KCNC4: variants seen among roughly 807,000 people sequenced by gnomAD.
KCNC4 encodes the protein potassium voltage-gated channel subfamily C member 4.
KCNC4 carries 23 observed loss-of-function variants against 42.8 expected under a neutral mutation model. The ratio of observed to expected loss-of-function variants is 0.54; its 90% CI spans 0.39 to 0.76. KCNC4 has a LOEUF of 0.76. Ranked by LOEUF, KCNC4 falls within the 30% of genes least tolerant of loss-of-function variation. The pLI is 0.00. For synonymous variants in KCNC4, 422 were observed against 393.5 expected (o/e 1.07, Z -0.86); for missense variants, 751 against 898.2 (o/e 0.84, Z 2.10).
chr1:110,239,602 G>A (rs1658985187), exon 4 of KCNC4: 1 of 152,200 alleles, frequency 6.6e-6, no homozygotes, highest in Admixed American at 6.5e-5. Flanking sequence ...ATGGGCTGGA[G>A]ATAGGCCTGG....
rs773855578 is a variant in KCNC4, at chr1:110,211,752, G to A, written c.253G>A (p.Gly85Ser). 6 of 1,609,034 alleles carry A rather than the reference G, an allele frequency of 3.7e-6. No individual in the cohort carries two copies. Among genetic ancestry groups the A allele is most frequent in the Non-Finnish European group, 5.1e-6 (6 of 1,178,730 alleles). The change falls in exon 1 of 4, where the codon GGC (glycine) becomes AGC (serine). Residue 85 changes from glycine (G) to serine (S), a missense_variant. This residue lies in a region of KCNC4 where 183 missense variants were observed against 255.8 expected (regional missense o/e 0.72). Transcript: ENST00000438661. The surrounding 1 kb of genome is among the most constrained non-coding windows in gnomAD (Gnocchi z 6.5). The part of the protein sequence containing the change: ...ETDGGGVGSS[G>S]SSGGGGCEFF... ...CGATGGCGGCGGTGTGGGTAGCAGC[G>A]GCAGCAGCGGCGGCGGGGGCTGCGA...
intron 1 of KCNC4, among the ~76,000 whole-genome samples, chr1:110,270,629 AG>A (rs1659618735): frequency 6.6e-6 from 1 of 152,136 alleles, no homozygotes; most frequent in Admixed American, 6.5e-5. Context: ...CCTTCAAGAA[AG>A]GAACAAACAG....
chr1:110,216,608 G>A (rs757638052), intron 1 of KCNC4, among the ~76,000 whole-genome samples: 8 of 152,272 alleles, frequency 5.3e-5, no homozygotes, highest in East Asian at 1.9e-4. Context: ...TTGGAGACTC[G>A]GGGGAAGAGC....
At chr1:110,246,379 C>T (rs193002948) in exon 4 of KCNC4, 1 of 152,342 alleles carries the variant, frequency 6.6e-6, no homozygotes, top group African/African-American at 2.4e-5. Context: ...CATTTACAAC[C>T]GTGTGACTAG....
chr1:110,211,559 G>A lies in KCNC4; in HGVS notation c.60G>A (p.Pro20=), dbSNP rs1481322078. The A allele has an allele frequency of 2.5e-6, 4 of 1,614,114 alleles. No homozygotes were observed. The East Asian group carries it at 6.7e-5, about 27-fold the overall frequency. ...YRGRKSGNKP[P]SKTCLKEEMA... is the part of the protein sequence containing the mutation. ...GGCGCAAGTCGGGGAACAAGCCTCC[G>A]TCCAAAACATGTCTGAAGGAGGAGA... Residue 20 remains proline (P), a synonymous_variant, in exon 1 of 4, where the codon CCG becomes CCA. Transcript: ENST00000438661. This position sits in a 1 kb window ranked among gnomAD's most constrained non-coding sequence, Gnocchi z 6.5.
chr1:110,260,863 G>C (rs1659412908), intron 1 of KCNC4, among the ~76,000 whole-genome samples: 1 of 152,230 alleles, frequency 6.6e-6, no homozygotes, highest in Non-Finnish European at 1.5e-5. Flanking sequence ...CGGGGAGGCG[G>C]AGCTTGCAGT....
exon 4 of KCNC4, chr1:110,246,766 C>CTTTTTTTTTTTTTTTTTTTTT (rs61165830): frequency 2.2e-4 from 31 of 139,324 alleles, no homozygotes; most frequent in African/African-American, 3.2e-4. Flanking sequence ...TTTTTCTTTT[C>CTTTTTTTTTTTTTTTTTTTTT]TTTTTTTTTT....
chr1:110,235,537 T>C (rs933527334), downstream of KCNC4: 1 of 151,988 alleles, frequency 6.6e-6, no homozygotes, highest in Non-Finnish European at 1.5e-5. Context: ...GGGTACTAGA[T>C]GCCAGAGTGG....
In KCNC4 at chr1:110,226,039, AC is replaced by A; in HGVS notation, c.1684del (p.Leu562TrpfsTer71). On this transcript the variant is annotated frameshift_variant, in exon 3 of 4. Transcript: ENST00000438661. LOFTEE classifies it high-confidence loss of function. Reference sequence around the variant, plus strand: ...ATGAGGAGGGAGCTGGCCTCACCCAACCCCTGGCCTCCTCCCCGACCCCCGA... The same window carrying A: ...ATGAGGAGGGAGCTGGCCTCACCCAACCCTGGCCTCCTCCCCGACCCCCGA... ...SDEEGAGLTQ[P>X]LASSPTPEER... is the part of the protein sequence containing the mutation. The A allele has an allele frequency of 1.2e-6, 2 of 1,613,160 alleles. No individual in the cohort carries two copies. Among genetic ancestry groups the A allele is most frequent in the Non-Finnish European group, 1.7e-6 (2 of 1,179,712 alleles).
chr1:110,257,720 C>CAA lies in KCNC4; in HGVS notation n.31-24793_31-24792dup, dbSNP rs56333861. ...TTGGCAACAGAGCGAGACTCCGTCTCAAAAAAAAAAAAAAAAAAAAAAGTC... is the reference window on the plus strand; with the variant it reads ...TTGGCAACAGAGCGAGACTCCGTCTCAAAAAAAAAAAAAAAAAAAAAAAAGTC... On this transcript the variant is annotated intron_variant and non_coding_transcript_variant, in intron 1 of 2. Coordinates refer to the KCNC4 transcript ENST00000412512. Among the ~76,000 whole-genome samples, 245 of 90,862 alleles carry CAA rather than the reference C, an allele frequency of 2.7e-3. 6 individuals carry two copies. The highest frequency in any genetic ancestry group is 4.7e-3 in the Admixed American group (37 of 7,834). 59.6% of individuals were successfully genotyped at this position (90,862 alleles called of 152,430 possible).
chr1:110,273,109 A>G (rs1659662844), intron 1 of KCNC4, among the ~76,000 whole-genome samples: 1 of 152,272 alleles, frequency 6.6e-6, no homozygotes, highest in South Asian at 2.1e-4. Flanking sequence ...ACTGCATATA[A>G]TGTTTCCTGG....
chr1:110,280,474 T>G (rs1205298723), intron 1 of KCNC4, among the ~76,000 whole-genome samples: 1 of 151,412 alleles, frequency 6.6e-6, no homozygotes, highest in African/African-American at 2.4e-5. Context: ...TCCCGTGAAA[T>G]TGGCCTGGAT....
intron 1 of KCNC4, among the ~76,000 whole-genome samples, chr1:110,271,707 G>T (rs1032984659): frequency 1.3e-5 from 2 of 151,954 alleles, no homozygotes; most frequent in Non-Finnish European, 2.9e-5. Context: ...GTCCAGTTTT[G>T]CTAGGAAGCA....
chr1:110,234,549 TG>T (rs1196474791), downstream of KCNC4: 2 of 152,150 alleles, frequency 1.3e-5, no homozygotes, highest in African/African-American at 2.4e-5. Context: ...GACGGGGAGA[TG>T]GTGAGTGATG....
chr1:110,265,724 T>C (rs1659531364), intron 1 of KCNC4, among the ~76,000 whole-genome samples: 1 of 152,154 alleles, frequency 6.6e-6, no homozygotes, highest in Non-Finnish European at 1.5e-5. Context: ...GAAGAGGCCC[T>C]TGGAGGTGGG....
intron 2 of KCNC4, 174 bp from the exon 3 acceptor site, chr1:110,225,801 A>G: frequency 1.6e-6 from 1 of 610,374 alleles, no homozygotes. Flanking sequence ...CAAGTGTAGC[A>G]TCCCTGCCTT....
At chr1:110,263,806 C>G (rs1659493472) in intron 1 of KCNC4, among the ~76,000 whole-genome samples, 1 of 146,678 alleles carries the variant, frequency 6.8e-6, no homozygotes, top group Non-Finnish European at 1.5e-5. Context: ...AAAACAATCT[C>G]TAGCAAGCTT....
intron 1 of KCNC4, among the ~76,000 whole-genome samples, chr1:110,256,205 T>C (rs1372916023): frequency 2.0e-5 from 3 of 152,154 alleles, no homozygotes; most frequent in Non-Finnish European, 4.4e-5. Flanking sequence ...AAACATTTCC[T>C]GTGTACCTGA....
intron 3 of KCNC4, among the ~76,000 whole-genome samples, chr1:110,227,882 G>T (rs577972252): frequency 6.6e-6 from 1 of 152,288 alleles, no homozygotes; most frequent in South Asian, 2.1e-4. Flanking sequence ...ACGTGCACGG[G>T]GCAGGAGAGC....
Sources: allele counts gnomAD v4.1 joint callset (sites outside exome capture counted in the v4.1 genomes callset), GRCh38; gene constraint gnomAD v4.1.1; regional missense constraint gnomAD v4.1.1; non-coding constraint Gnocchi (gnomAD v3.1); transcripts MANE v1.5; gene names NCBI Gene and HGNC (gene_info 2026-07-23, HGNC 2026-07-21).